The following TBCD variants were observed in gnomAD, a reference collection of about 807,000 sequenced individuals.
TBCD encodes tubulin-specific chaperone D.
A neutral mutation model predicts 169.3 loss-of-function variants in TBCD; 105 were observed. That is an observed-to-expected ratio of 0.62 (90% CI 0.53 to 0.73). The LOEUF is 0.73. Among genes scored for constraint, TBCD ranks in the 30% least tolerant of loss-of-function variants. The pLI is 0.00. For synonymous variants in TBCD, 700 were observed against 643.9 expected (o/e 1.09, Z -1.32); for missense variants, 1,444 against 1,600.1 (o/e 0.90, Z 1.66).
chr17:82,846,470 A>G (rs968497600), intron 13 of TBCD, among the ~76,000 whole-genome samples: 16 of 150,202 alleles, frequency 1.1e-4, no homozygotes, highest in Non-Finnish European at 3.0e-5. Context: ...TTTCTTCCCT[A>G]GTGAGGTGCC....
intron 35 of TBCD, 145 bp from the exon 36 acceptor site, chr17:82,937,904 C>T: frequency 6.5e-7 from 1 of 1,530,962 alleles, no homozygotes; most frequent in Non-Finnish European, 8.8e-7. Flanking sequence ...CGCACACACA[C>T]ACCTCCGGCT....
At position 82,806,216 on chromosome 17, in the gene TBCD, C is replaced by T. The variant is rs2050950780; in HGVS notation, c.1087+205C>T. 1.3e-5 allele frequency among the ~76,000 whole-genome samples: 2 copies of T among 152,082 alleles called. No homozygotes were observed. The highest frequency in any genetic ancestry group is 6.5e-5 in the Admixed American group (1 of 15,270). On this transcript the variant is annotated intron_variant, in intron 10 of 38. Coordinates refer to ENST00000355528, the MANE Select transcript of TBCD (RefSeq NM_005993.5). This position sits in a 1 kb window ranked among gnomAD's most constrained non-coding sequence, Gnocchi z 5.1. ...CCATGGACAGTCTCTTCCTGTGTGC[C>T]GTAGAAGCCCTTTTTCCCACCGCCT...
At chr17:82,918,923 T>C (rs2147106501) in intron 23 of TBCD, 1 of 152,382 alleles carries the variant, frequency 6.6e-6, no homozygotes, top group South Asian at 2.1e-4. Flanking sequence ...GAGTGAGTGA[T>C]GGTGTCACAG....
At chr17:82,838,852 C>T in intron 13 of TBCD, 2 of 985,390 alleles carry the variant, frequency 2.0e-6, no homozygotes, top group Non-Finnish European at 1.2e-6. Context: ...CAAACGCTCA[C>T]CACTTTACAG....
chr17:82,770,643 A>G (rs2048259899), intron 5 of TBCD, among the ~76,000 whole-genome samples: 1 of 151,322 alleles, frequency 6.6e-6, no homozygotes, highest in Non-Finnish European at 1.5e-5. Flanking sequence ...ACCCTTGTTT[A>G]CTTGTCTGTG....
In TBCD at chr17:82,894,932, G is replaced by A. The variant is rs1290310811; in HGVS notation, c.1649+1300G>A. The stretch of plus-strand genomic sequence containing the variant: ...GCGGAGGCTGCAGTGAGCCGAGATC[G>A]TGCCACTGCACTCCAGCCTGGGTGA... On this transcript the variant is annotated intron_variant, in intron 17 of 38. Coordinates refer to ENST00000355528, the MANE Select transcript of TBCD (RefSeq NM_005993.5). Among the ~76,000 whole-genome samples, 54 of 152,270 alleles carry A rather than the reference G, an allele frequency of 3.5e-4. 1 individual carries two copies. Among genetic ancestry groups the A allele is most frequent in the Admixed American group, 2.7e-3 (41 of 15,304 alleles).
chr17:82,939,055 T>G (rs1326498296), intron 36 of TBCD: 3 of 413,022 alleles, frequency 7.3e-6, no homozygotes, highest in Non-Finnish European at 1.3e-5. Context: ...GGTTAGTTAA[T>G]AGAGAGCAGG....
chr17:82,770,739 G>A (rs973794669), intron 5 of TBCD, among the ~76,000 whole-genome samples: 4 of 151,540 alleles, frequency 2.6e-5, no homozygotes, highest in Non-Finnish European at 5.9e-5. Flanking sequence ...CCGGAGGCCG[G>A]GCACGGTGGC....
In TBCD at chr17:82,915,567, C is replaced by T. The variant is rs529298289; in HGVS notation, c.2038+3778C>T. On this transcript the variant is annotated intron_variant, in intron 23 of 38. Coordinates refer to ENST00000355528, the MANE Select transcript of TBCD (RefSeq NM_005993.5). This position sits in a 1 kb window ranked among gnomAD's most constrained non-coding sequence, Gnocchi z 4.3. ...ACAGGAACTCTGTTTAGTGAAGCAGCGATGAAGGAGGGGTTTGTCAGTCAG... is the reference window on the plus strand; with the variant it reads ...ACAGGAACTCTGTTTAGTGAAGCAGTGATGAAGGAGGGGTTTGTCAGTCAG... Among the ~76,000 whole-genome samples, 12 of 152,276 alleles carry T rather than the reference C, an allele frequency of 7.9e-5. No individual in the cohort carries two copies. Among genetic ancestry groups the T allele is most frequent in the South Asian group, 4.1e-4 (2 of 4,824 alleles).
chr17:82,838,455 T>A (rs1391827887), intron 13 of TBCD, among the ~76,000 whole-genome samples: 1 of 152,210 alleles, frequency 6.6e-6, no homozygotes, highest in Non-Finnish European at 1.5e-5. Flanking sequence ...CCTGAGATTG[T>A]GCTGTAATGT....
At chr17:82,772,424 C>G in intron 5 of TBCD, 28 bp from the exon 6 acceptor site, 1 of 1,613,508 alleles carries the variant, frequency 6.2e-7, no homozygotes, top group Non-Finnish European at 8.5e-7. Context: ...CAGGAGTGAC[C>G]GTGTCTGTGC....
intron 4 of TBCD, 60 bp from the exon 5 acceptor site, chr17:82,768,360 G>A: frequency 6.9e-6 from 11 of 1,600,800 alleles, no homozygotes; most frequent in Non-Finnish European, 9.4e-6. Flanking sequence ...TGAGTAGATT[G>A]TGGCCAGTGG....
At chr17:82,902,936 C>T (rs1344245431) in intron 18 of TBCD, among the ~76,000 whole-genome samples, 1 of 152,264 alleles carries the variant, frequency 6.6e-6, no homozygotes, top group South Asian at 2.1e-4. Flanking sequence ...CCTGGGTCAG[C>T]CTTTCGCGGT....
At chr17:82,839,079 CT>C in intron 13 of TBCD, 2 of 735,988 alleles carry the variant, frequency 2.7e-6, no homozygotes, top group African/African-American at 3.8e-5. Flanking sequence ...AACTTAACCC[CT>C]TTGGTTTGGT....
intron 9 of TBCD, among the ~76,000 whole-genome samples, chr17:82,804,226 T>C: frequency 6.6e-6 from 1 of 152,030 alleles, no homozygotes; most frequent in South Asian, 2.1e-4. Flanking sequence ...TGTCTGATGG[T>C]CTCCGCCACG....
Position 82,830,472 on chromosome 17 carries a change from G to C in TBCD, c.1318+15538G>C, listed in dbSNP as rs376787014. The C allele has an allele frequency of 4.3e-6, 7 of 1,612,946 alleles. No homozygotes were observed. In the Middle Eastern group the frequency reaches 6.6e-4, roughly 152 times the overall value. Reference sequence around the variant, plus strand: ...CGCATGCGTCTGGAGCCTCCTCGCCGGGGCCTGTGGGTGGGGCCCCGTCAC... The same window carrying C: ...CGCATGCGTCTGGAGCCTCCTCGCCCGGGCCTGTGGGTGGGGCCCCGTCAC... On this transcript the variant is annotated intron_variant, in intron 13 of 38. Transcript: ENST00000355528.
At position 82,930,862 on chromosome 17, in the gene TBCD, C is replaced by T. The variant is rs1046058315; in HGVS notation, c.3113+219C>T. The stretch of plus-strand genomic sequence containing the variant: ...GCCCCTGCGCCTCCTCTTCTAGCCT[C>T]CACATGAGGCAGGGAAATGACCGTT... On this transcript the variant is annotated intron_variant, in intron 33 of 38. Transcript: ENST00000355528. The surrounding 1 kb of genome is among the most constrained non-coding windows in gnomAD (Gnocchi z 5.2). 6.6e-6 allele frequency among the ~76,000 whole-genome samples: 1 copy of T among 152,230 alleles called. No individual in the cohort carries two copies. The highest frequency in any genetic ancestry group is 1.5e-5 in the Non-Finnish European group (1 of 68,042).
rs1568000474 is a variant in TBCD, at chr17:82,903,621, TGATCAGTG to T, written c.1804+147_1804+154del. ...GCATCTGAGGAAAGAGCTGTGGACT[TGATCAGTG>T]GATAGGCTGTGAGGACGGATGCGGT... On this transcript the variant is annotated intron_variant, in intron 19 of 38. Transcript: ENST00000355528. The surrounding 1 kb of genome is among the most constrained non-coding windows in gnomAD (Gnocchi z 4.8). 1.2e-6 allele frequency: 1 copy of T among 860,656 alleles called. No homozygotes were observed. Among genetic ancestry groups the T allele is most frequent in the Non-Finnish European group, 1.8e-6 (1 of 560,372 alleles). The allele number at this position is 860,656 out of a possible 1,614,324, so 53.3% of individuals were successfully genotyped here. A position where few individuals can be genotyped will look rare whatever the true frequency, so the allele number is the denominator to read the frequency against.
chr17:82,853,633 C>G (rs544603212), intron 13 of TBCD, among the ~76,000 whole-genome samples: 21 of 151,792 alleles, frequency 1.4e-4, no homozygotes, highest in African/African-American at 4.8e-4. Flanking sequence ...TTGAACTCCT[C>G]GCCTCAAATG....
Sources: allele counts gnomAD v4.1 joint callset (sites outside exome capture counted in the v4.1 genomes callset), GRCh38; gene constraint gnomAD v4.1.1; non-coding constraint Gnocchi (gnomAD v3.1); transcripts MANE v1.5; gene names NCBI Gene and HGNC (gene_info 2026-07-23, HGNC 2026-07-21).